The following ST6GALNAC3 variants were observed in gnomAD, a reference collection of about 807,000 sequenced individuals.
ST6GALNAC3 encodes the protein alpha-N-acetylgalactosaminide alpha-2,6-sialyltransferase 3.
A neutral mutation model predicts 32.7 loss-of-function variants in ST6GALNAC3; 25 were observed. The ratio of observed to expected loss-of-function variants is 0.76; its 90% CI spans 0.56 to 1.07. The LOEUF is 1.07. ST6GALNAC3 is among the 50% of genes least tolerant of loss of function. The pLI is 0.00. For missense variants in ST6GALNAC3, 355 were observed against 382.4 expected, an observed-to-expected ratio of 0.93 and a Z score of 0.60; for synonymous variants, 129 against 133.1, an observed-to-expected ratio of 0.97 and a Z score of 0.21.
chr1:76,410,652 A>G (rs1654170207), intron 2 of ST6GALNAC3, among the ~76,000 whole-genome samples: 1 of 152,062 alleles, frequency 6.6e-6, no homozygotes, highest in Non-Finnish European at 1.5e-5. Context: ...ACTGTGCCTG[A>G]CACATCGCAG....
chr1:76,537,235 A>C (rs541865997), intron 3 of ST6GALNAC3, among the ~76,000 whole-genome samples: 1 of 152,334 alleles, frequency 6.6e-6, no homozygotes, highest in East Asian at 1.9e-4. Flanking sequence ...CTGATTAAAT[A>C]AGGAAATTAA....
chr1:76,334,995 C>T lies in ST6GALNAC3; in HGVS notation c.213+20996C>T, dbSNP rs190638347. On this transcript the variant is annotated intron_variant, in intron 2 of 4. Transcript: ENST00000328299. Reference sequence around the variant, plus strand: ...TTCTAAATAAAGACCCAAAGCTCTTCTAATATTAAACCCTGAGATAAATAT... The same window carrying T: ...TTCTAAATAAAGACCCAAAGCTCTTTTAATATTAAACCCTGAGATAAATAT... Among the ~76,000 whole-genome samples, 364 of 152,238 alleles carry T rather than the reference C, an allele frequency of 2.4e-3. 2 individuals are homozygous for T. The highest frequency in any genetic ancestry group is 8.0e-3 in the African/African-American group (333 of 41,538).
intron 3 of ST6GALNAC3, among the ~76,000 whole-genome samples, chr1:76,488,754 T>G (rs1052110218): frequency 6.6e-6 from 1 of 152,196 alleles, no homozygotes; most frequent in South Asian, 2.1e-4. Flanking sequence ...CAGAGCCAGC[T>G]CTGCACAAAT....
At chr1:76,580,118 C>T (rs1044976085) in intron 3 of ST6GALNAC3, among the ~76,000 whole-genome samples, 4 of 152,086 alleles carry the variant, frequency 2.6e-5, no homozygotes, top group African/African-American at 9.7e-5. Flanking sequence ...TAGTTCCCTA[C>T]AGTATCCCTC....
intron 1 of ST6GALNAC3, among the ~76,000 whole-genome samples, chr1:76,091,017 G>T (rs1647037360): frequency 6.6e-6 from 1 of 152,144 alleles, no homozygotes; most frequent in Non-Finnish European, 1.5e-5. Context: ...CAATTGCGCA[G>T]GCCGAATGTT....
At chr1:76,287,010 T>C (rs1468900651) in intron 1 of ST6GALNAC3, among the ~76,000 whole-genome samples, 1 of 152,242 alleles carries the variant, frequency 6.6e-6, no homozygotes, top group Non-Finnish European at 1.5e-5. Flanking sequence ...CTTCTCTGAA[T>C]TCTGGACTTC....
intron 1 of ST6GALNAC3, among the ~76,000 whole-genome samples, chr1:76,079,790 A>G (rs1238596210): frequency 6.6e-6 from 1 of 151,466 alleles, no homozygotes; most frequent in Non-Finnish European, 1.5e-5. Flanking sequence ...AAACCTCTCA[A>G]CTCTGCCCCT....
intron 3 of ST6GALNAC3, among the ~76,000 whole-genome samples, chr1:76,590,742 G>A (rs540021013): frequency 1.4e-4 from 22 of 152,318 alleles, no homozygotes; most frequent in African/African-American, 5.3e-4. Context: ...CCAGCATGCA[G>A]AAAGCCAGTA....
intron 2 of ST6GALNAC3, among the ~76,000 whole-genome samples, chr1:76,411,734 C>A (rs564952430): frequency 3.9e-5 from 6 of 152,100 alleles, no homozygotes; most frequent in Non-Finnish European, 8.8e-5. Context: ...GAGTGGAAAA[C>A]AAATAACTAT....
intron 2 of ST6GALNAC3, among the ~76,000 whole-genome samples, chr1:76,341,791 T>C (rs946470907): frequency 4.0e-5 from 6 of 151,830 alleles, no homozygotes; most frequent in Admixed American, 2.6e-4. Flanking sequence ...ACATGGGCCA[T>C]GATGGTTTGC....
intron 3 of ST6GALNAC3, among the ~76,000 whole-genome samples, chr1:76,529,537 A>T (rs1663122207): frequency 6.6e-6 from 1 of 152,142 alleles, no homozygotes; most frequent in African/African-American, 2.4e-5. Flanking sequence ...CTGTTATTTG[A>T]ATGATATTCA....
At chr1:76,636,813 T>C (rs2100752055), downstream of ST6GALNAC3, 1 of 152,314 alleles carries the variant, frequency 6.6e-6, no homozygotes, top group East Asian at 1.9e-4. Context: ...AGTTTGTCCA[T>C]TGAGAAAGAT....
chr1:76,277,423 A>G (rs940770795), intron 1 of ST6GALNAC3, among the ~76,000 whole-genome samples: 1 of 151,596 alleles, frequency 6.6e-6, no homozygotes, highest in Non-Finnish European at 1.5e-5. Context: ...GATAACTGGG[A>G]AAAGATAAGT....
At chr1:76,137,230 T>C (rs967377049) in intron 1 of ST6GALNAC3, among the ~76,000 whole-genome samples, 7 of 152,228 alleles carry the variant, frequency 4.6e-5, no homozygotes, top group African/African-American at 1.7e-4. Flanking sequence ...TTCTTCCTAT[T>C]ATATTGCATC....
At chr1:76,390,559 G>A (rs78356782) in intron 2 of ST6GALNAC3, among the ~76,000 whole-genome samples, 12,120 of 152,188 alleles carry the variant, frequency 0.08, 523 homozygotes, top group Middle Eastern at 0.12. Context: ...GCCAGAAGAT[G>A]GTTTGCTCCC....
intron 3 of ST6GALNAC3, among the ~76,000 whole-genome samples, chr1:76,486,822 G>A (rs1314441709): frequency 6.6e-6 from 1 of 152,118 alleles, no homozygotes; most frequent in Non-Finnish European, 1.5e-5. Context: ...TCCTAGCCTC[G>A]ATGGTCTTTA....
intron 3 of ST6GALNAC3, among the ~76,000 whole-genome samples, chr1:76,422,018 A>T (rs951804562): frequency 6.6e-6 from 1 of 151,836 alleles, no homozygotes; most frequent in Non-Finnish European, 1.5e-5. Context: ...TTTTTCTCTT[A>T]TAGCATTACC....
intron 1 of ST6GALNAC3, among the ~76,000 whole-genome samples, chr1:76,243,193 C>T (rs1260744541): frequency 6.6e-6 from 1 of 152,168 alleles, no homozygotes. Flanking sequence ...ATTTGCATTT[C>T]TCTAATGACC....
chr1:76,168,422 A>C (rs1350908938), intron 1 of ST6GALNAC3, among the ~76,000 whole-genome samples: 1 of 152,116 alleles, frequency 6.6e-6, no homozygotes, highest in African/African-American at 2.4e-5. Context: ...ATTTTAGAGT[A>C]AGTGCCATAT....
Sources: allele counts gnomAD v4.1 joint callset (sites outside exome capture counted in the v4.1 genomes callset), GRCh38; gene constraint gnomAD v4.1.1; transcripts MANE v1.5; gene names NCBI Gene and HGNC (gene_info 2026-07-23, HGNC 2026-07-21).